FAM227B: variants seen among roughly 807,000 people sequenced by gnomAD.
FAM227B encodes family with sequence similarity 227 member B.
A neutral mutation model predicts 73.8 loss-of-function variants in FAM227B; 88 were observed. The ratio of observed to expected loss-of-function variants is 1.19; its 90% confidence interval spans 1.00 to 1.42. The LOEUF (loss-of-function observed/expected upper bound fraction) is 1.42. Among genes scored for constraint, FAM227B ranks in the 40% most tolerant of loss-of-function variants. FAM227B has a pLI of 0.00. For missense variants in FAM227B, 632 were observed against 590.9 expected, an observed-to-expected ratio of 1.07 and a Z score of -0.72; for synonymous variants, 210 against 190.5, an observed-to-expected ratio of 1.10 and a Z score of -0.84.
intron 13 of FAM227B, among the ~76,000 whole-genome samples, chr15:49,354,970 G>C (rs1211150221): frequency 2.0e-5 from 3 of 151,950 alleles, no homozygotes; most frequent in African/African-American, 7.3e-5. Flanking sequence ...GCACCCCCCA[G>C]CAGGGGCACA....
At chr15:49,416,407 A>G (rs2049214809) in intron 11 of FAM227B, among the ~76,000 whole-genome samples, 1 of 152,120 alleles carries the variant, frequency 6.6e-6, no homozygotes, top group African/African-American at 2.4e-5. Context: ...AGATAAATTC[A>G]TAGTGTAAGG....
chr15:49,329,079 CCA>C, intron 15 of FAM227B: 1 of 996,580 alleles, frequency 1.0e-6, no homozygotes, highest in Non-Finnish European at 1.2e-6. Context: ...CCAAGAAATT[CCA>C]CACATTCCTT....
chr15:49,422,558 A>G, intron 11 of FAM227B: 1 of 1,357,056 alleles, frequency 7.4e-7, no homozygotes. Context: ...TAAGTCACAG[A>G]TCACAGAATT....
At chr15:49,524,441 G>A (rs2060007308) in intron 10 of FAM227B, among the ~76,000 whole-genome samples, 2 of 152,186 alleles carry the variant, frequency 1.3e-5, no homozygotes, top group African/African-American at 4.8e-5. Flanking sequence ...GATTTCATAG[G>A]ATGTATGGAA....
chr15:49,549,849 G>A (rs2072547180), intron 9 of FAM227B, among the ~76,000 whole-genome samples: 2 of 152,100 alleles, frequency 1.3e-5, no homozygotes, highest in South Asian at 2.1e-4. Flanking sequence ...CCTCCCAGAC[G>A]GGGTGGTGGC....
intron 3 of FAM227B, among the ~76,000 whole-genome samples, chr15:49,591,028 TG>T (rs1245230001): frequency 8.0e-5 from 11 of 136,980 alleles, no homozygotes; most frequent in African/African-American, 2.0e-4. Flanking sequence ...CTCTTTTTTT[TG>T]TTTTTTTTTT....
intron 9 of FAM227B, among the ~76,000 whole-genome samples, chr15:49,543,069 T>C (rs1231303137): frequency 6.6e-6 from 1 of 152,194 alleles, no homozygotes; most frequent in African/African-American, 2.4e-5. Context: ...TTTTAGTTCT[T>C]TGAGTAATCC....
chr15:49,565,060 T>C (rs373220110), intron 9 of FAM227B, among the ~76,000 whole-genome samples: 36 of 152,222 alleles, frequency 2.4e-4, no homozygotes, highest in African/African-American at 8.4e-4. Context: ...TGAGTTTATA[T>C]AGTGCAATCA....
At chr15:49,600,276 T>C (rs1359812045) in intron 3 of FAM227B, among the ~76,000 whole-genome samples, 1 of 152,130 alleles carries the variant, frequency 6.6e-6, no homozygotes, top group Non-Finnish European at 1.5e-5. Context: ...AATCATCTCT[T>C]CACCTTCAGT....
At chr15:49,404,409 G>T (rs572605168) in intron 11 of FAM227B, among the ~76,000 whole-genome samples, 43 of 152,234 alleles carry the variant, frequency 2.8e-4, no homozygotes, top group African/African-American at 9.6e-4. Flanking sequence ...CTCTTTGAAG[G>T]TCTCTAAGAA....
At chr15:49,534,126 G>A (rs1322523288) in intron 10 of FAM227B, among the ~76,000 whole-genome samples, 1 of 151,796 alleles carries the variant, frequency 6.6e-6, no homozygotes, top group African/African-American at 2.4e-5. Flanking sequence ...CACACTCACA[G>A]GAAGTAATCA....
chr15:49,468,297 A>T (rs958325779), intron 11 of FAM227B, among the ~76,000 whole-genome samples: 1 of 152,144 alleles, frequency 6.6e-6, no homozygotes, highest in African/African-American at 2.4e-5. Context: ...TTTCAGTTAT[A>T]CTTGATACCA....
In FAM227B at chr15:49,327,052, G is replaced by A. The variant is rs1408586800; in HGVS notation, c.*1516C>T. The A allele has an allele frequency of 2.6e-5, 4 of 151,966 alleles. No homozygotes were observed. The highest frequency in any genetic ancestry group is 2.1e-4 in the South Asian group (1 of 4,826). The allele number at this position is 151,966 out of a possible 1,614,324, so 9.4% of individuals were successfully genotyped here. On this transcript the variant is annotated 3_prime_UTR_variant, in exon 16 of 16. Transcript: ENST00000299338. ...TAATTGTAAGTACATGTTAACTTTCGTGTCAGGATAAATTGCATCTTTTAA... is the reference window on the plus strand; with the variant it reads ...TAATTGTAAGTACATGTTAACTTTCATGTCAGGATAAATTGCATCTTTTAA...
chr15:49,534,142 C>CCTTTTCCTGAA (rs2060830074), intron 10 of FAM227B, among the ~76,000 whole-genome samples: 1 of 151,774 alleles, frequency 6.6e-6, no homozygotes. Flanking sequence ...AATCATTTCC[C>CCTTTTCCTGAA]ATGAGAACCA....
In FAM227B at chr15:49,476,232, G is replaced by GTTTTTTTTTTTTTTT; in HGVS notation, c.1012+31978_1012+31979insAAAAAAAAAAAAAAA. 5.2e-3 allele frequency among the ~76,000 whole-genome samples: 298 copies of GTTTTTTTTTTTTTTT among 57,302 alleles called. 45 individuals are homozygous for GTTTTTTTTTTTTTTT. The highest frequency in any genetic ancestry group is 7.8e-3 in the Non-Finnish European group (214 of 27,364). 37.6% of individuals were successfully genotyped at this position (57,302 alleles called of 152,430 possible). On this transcript the variant is annotated intron_variant, in intron 11 of 15. Transcript: ENST00000299338. ...TTGCTGTTTTGTTTTTTTGTTTTTG[G>GTTTTTTTTTTTTTTT]TTTTTTTTTTTTTGCATTTGGCATA...
intron 13 of FAM227B, among the ~76,000 whole-genome samples, chr15:49,359,794 G>A (rs561778243): frequency 2.3e-4 from 32 of 137,046 alleles, no homozygotes; most frequent in Non-Finnish European, 4.9e-4. Context: ...GCACATGTAT[G>A]TTTATTGCGT....
At chr15:49,506,373 T>C (rs577773311) in intron 11 of FAM227B, among the ~76,000 whole-genome samples, 64 of 152,206 alleles carry the variant, frequency 4.2e-4, no homozygotes, top group African/African-American at 1.5e-3. Flanking sequence ...ATAGAATGTA[T>C]AAAAACATGC....
intron 11 of FAM227B, among the ~76,000 whole-genome samples, chr15:49,396,645 G>T (rs1426809101): frequency 6.6e-6 from 1 of 152,002 alleles, no homozygotes; most frequent in Non-Finnish European, 1.5e-5. Context: ...CCCAGCTGGA[G>T]ATCTGAGAAC....
chr15:49,521,703 A>G (rs1179854923), intron 10 of FAM227B, among the ~76,000 whole-genome samples: 1 of 152,158 alleles, frequency 6.6e-6, no homozygotes, highest in Non-Finnish European at 1.5e-5. Context: ...TTTGGTAGCT[A>G]CCAGATGGGT....
Sources: gnomAD v4.1 joint callset for allele counts (sites outside exome capture counted in the v4.1 genomes callset) on GRCh38, gnomAD v4.1.1 for gene constraint, MANE v1.5 for transcripts, NCBI Gene and HGNC (gene_info 2026-07-23, HGNC 2026-07-21) for gene names.